Variants in TMCC3 observed in about 807,000 individuals in gnomAD.
TMCC3 encodes the protein transmembrane and coiled-coil domain family 3.
A neutral mutation model predicts 40.2 loss-of-function variants in TMCC3; 28 were observed. The ratio of observed to expected loss-of-function variants is 0.70; its 90% CI spans 0.52 to 0.95. The LOEUF (loss-of-function observed/expected upper bound fraction) is 0.95. Ranked by LOEUF, TMCC3 falls within the 40% of genes least tolerant of loss-of-function variation. The pLI is 0.00. For synonymous variants in TMCC3, 255 were observed against 248.5 expected, an observed-to-expected ratio of 1.03 and a Z score of -0.25; for missense variants, 554 against 615.2, an observed-to-expected ratio of 0.90 and a Z score of 1.05.
intron 1 of TMCC3, among the ~76,000 whole-genome samples, chr12:94,601,204 G>T (rs926845283): frequency 7.9e-5 from 12 of 152,142 alleles, no homozygotes; most frequent in African/African-American, 2.9e-4. Flanking sequence ...GTCCTTGTTT[G>T]CAGATACATA....
At chr12:94,631,555 G>A (rs937496268) in intron 1 of TMCC3, among the ~76,000 whole-genome samples, 2 of 152,150 alleles carry the variant, frequency 1.3e-5, no homozygotes, top group Admixed American at 1.3e-4. Context: ...CTGGTTCTCA[G>A]AAGAAACTAG....
At chr12:94,583,295 G>A (rs1188129641) in intron 1 of TMCC3, among the ~76,000 whole-genome samples, 3 of 151,692 alleles carry the variant, frequency 2.0e-5, no homozygotes, top group East Asian at 1.9e-4. Context: ...ACCTGAAGTC[G>A]GGAGTTTGAG....
At chr12:94,598,177 A>C (rs114264819) in intron 1 of TMCC3, among the ~76,000 whole-genome samples, 8 of 152,366 alleles carry the variant, frequency 5.3e-5, no homozygotes, top group Admixed American at 3.3e-4. Flanking sequence ...TCTTCTCAGA[A>C]AAGTGACTTA....
intron 1 of TMCC3, among the ~76,000 whole-genome samples, chr12:94,610,431 A>G (rs995184887): frequency 9.9e-5 from 10 of 100,632 alleles, no homozygotes; most frequent in African/African-American, 3.0e-4. Flanking sequence ...AAGGCAGGCA[A>G]AAAAAAAAAA....
At chr12:94,605,174 C>A (rs1294053706) in intron 1 of TMCC3, among the ~76,000 whole-genome samples, 2 of 152,042 alleles carry the variant, frequency 1.3e-5, no homozygotes, top group Admixed American at 1.3e-4. Context: ...AGGCTAGACA[C>A]CTGACCATGC....
intron 1 of TMCC3, among the ~76,000 whole-genome samples, chr12:94,643,388 T>G (rs1010466220): frequency 6.6e-6 from 1 of 152,078 alleles, no homozygotes; most frequent in African/African-American, 2.4e-5. Context: ...CACAGGCCAG[T>G]CATGAGGATC....
At chr12:94,621,099 T>C (rs2138868381) in intron 1 of TMCC3, among the ~76,000 whole-genome samples, 1 of 152,224 alleles carries the variant, frequency 6.6e-6, no homozygotes, top group East Asian at 1.9e-4. Flanking sequence ...GTGGCTGGCA[T>C]TGCCTCGTGC....
chr12:94,579,335 C>T (rs1404761321), intron 2 of TMCC3, among the ~76,000 whole-genome samples: 1 of 152,054 alleles, frequency 6.6e-6, no homozygotes, highest in African/African-American at 2.4e-5. Flanking sequence ...GGTGAAACCC[C>T]GTCTCTACTA....
intron 1 of TMCC3, among the ~76,000 whole-genome samples, chr12:94,594,678 T>C (rs7132438): frequency 0.37 from 55,625 of 152,000 alleles, 10,373 homozygotes; most frequent in Admixed American, 0.44. Flanking sequence ...AACGAGTCTC[T>C]GAGGCCCTTA....
chr12:94,582,295 C>T lies in TMCC3; in HGVS notation c.322G>A (p.Ala108Thr), dbSNP rs202112740. The change falls in exon 2 of 4, where the codon GCG (alanine) becomes ACG (threonine). Residue 108 changes from alanine to threonine, a missense_variant. Physicochemically the swap from Ala to Thr is moderately conservative, Grantham distance 58. Transcript: ENST00000261226. ...KLVNNADKQQ[A>T]GRIKQVFEKK... is the part of the protein sequence containing the mutation. ...TCAAAGACTTGCTTGATACGTCCCG[C>T]CTGCTGCTTGTCTGCGTTGTTCACT... The T allele has an allele frequency of 4.2e-4, 679 of 1,613,918 alleles. No individual in the cohort carries two copies. The highest frequency in any genetic ancestry group is 5.3e-4 in the Non-Finnish European group (627 of 1,180,010).
chr12:94,650,464 TG>T lies in TMCC3; in HGVS notation c.-35del. ...TCCGGCCGCGAACTTTCCCGTCTTC[TG>T]GGGCTGCCGCGCCGCGAGCCACCGG... is the stretch of plus-strand genomic sequence containing the variant. On this transcript the variant is annotated 5_prime_UTR_variant, in exon 1 of 4. Transcript: ENST00000261226. 8.0e-7 allele frequency: 1 copy of T among 1,249,454 alleles called. No individual in the cohort carries two copies. The highest frequency in any genetic ancestry group is 1.0e-6 in the Non-Finnish European group (1 of 992,922). The allele number at this position is 1,249,454 out of a possible 1,614,324, so 77.4% of individuals were successfully genotyped here.
At chr12:94,574,117 G>A (rs1030647597) in intron 3 of TMCC3, among the ~76,000 whole-genome samples, 3 of 152,022 alleles carry the variant, frequency 2.0e-5, no homozygotes, top group Non-Finnish European at 4.4e-5. Flanking sequence ...GTACAGTGGC[G>A]CATGCCTGTA....
rs200457799 is a variant in TMCC3 at position 94,582,938 on chromosome 12, AACTC to A, written c.79-404_79-401del. ...ACTATGGGGAACGCATCCAACTCAG[AACTC>A]ACTCACTTAATAGAAGGAGAATCTT... On this transcript the variant is annotated intron_variant, in intron 1 of 3. Coordinates refer to ENST00000261226, the MANE Select transcript of TMCC3 (RefSeq NM_020698.4). Among the ~76,000 whole-genome samples, 716 of 150,456 alleles carry A rather than the reference AACTC, an allele frequency of 4.8e-3. 4 individuals are homozygous for A. Among genetic ancestry groups the A allele is most frequent in the African/African-American group, 0.016 (672 of 41,074 alleles).
At chr12:94,606,558 G>A (rs1013620061) in intron 1 of TMCC3, among the ~76,000 whole-genome samples, 1 of 151,916 alleles carries the variant, frequency 6.6e-6, no homozygotes, top group Admixed American at 6.6e-5. Flanking sequence ...GTAGAGATGG[G>A]TATCGGGGGA....
chr12:94,575,759 G>C (rs931030781), intron 3 of TMCC3, among the ~76,000 whole-genome samples: 1 of 152,062 alleles, frequency 6.6e-6, no homozygotes, highest in African/African-American at 2.4e-5. Context: ...CTCTAAAATA[G>C]AACGACTTCG....
At position 94,568,298 on chromosome 12, in the gene TMCC3, C is replaced by G. The variant is rs1217951036; in HGVS notation, c.*3137G>C. The G allele has an allele frequency of 8.3e-6, 1 of 121,174 alleles. No individual in the cohort carries two copies. The highest frequency in any genetic ancestry group is 1.7e-5 in the Non-Finnish European group (1 of 58,664). 7.5% of individuals were successfully genotyped at this position (121,174 alleles called of 1,614,324 possible). On this transcript the variant is annotated 3_prime_UTR_variant, in exon 4 of 4. Coordinates refer to ENST00000261226, the MANE Select transcript of TMCC3 (RefSeq NM_020698.4). ...TTTTGGCAGTTGGGGGTGGGGTGTT[C>G]TGGTTTAATCATATTCAGAGTTTGA...
intron 1 of TMCC3, among the ~76,000 whole-genome samples, chr12:94,620,439 C>T (rs2068870093): frequency 6.6e-6 from 1 of 151,822 alleles, no homozygotes; most frequent in Admixed American, 6.6e-5. Context: ...AGGAGCCCAC[C>T]ACCATGCCCA....
Position 94,586,031 on chromosome 12 carries a change from C to A in TMCC3, c.79-3493G>T, listed in dbSNP as rs189299161. On this transcript the variant is annotated intron_variant, in intron 1 of 3. Transcript: ENST00000261226. ...TCATTTAAGACACCTTTCCATTGAG[C>A]CAAAAAATCACCTCAGAAGTTCTGC... Among the ~76,000 whole-genome samples, 338 of 152,224 alleles carry A rather than the reference C, an allele frequency of 2.2e-3. 4 individuals carry two copies. The highest frequency in any genetic ancestry group is 3.4e-3 in the Middle Eastern group (1 of 294).
intron 1 of TMCC3, among the ~76,000 whole-genome samples, chr12:94,609,427 C>T (rs2068802112): frequency 6.6e-6 from 1 of 152,036 alleles, no homozygotes; most frequent in Non-Finnish European, 1.5e-5. Context: ...TTCACCTCTC[C>T]CACACAGTCA....
Sources: gnomAD v4.1 joint callset for allele counts (sites outside exome capture counted in the v4.1 genomes callset) on GRCh38, gnomAD v4.1.1 for gene constraint, MANE v1.5 for transcripts, NCBI Gene and HGNC (gene_info 2026-07-23, HGNC 2026-07-21) for gene names.